The following XRCC4 variants were observed in gnomAD, a reference collection of about 807,000 sequenced individuals.
XRCC4 encodes the protein X-ray repair cross complementing 4.
In XRCC4, 28 loss-of-function variants were observed where a neutral mutation model predicts 39.1. The observed-to-expected ratio is 0.72, with a 90% CI of 0.53 to 0.98. The LOEUF is 0.98. XRCC4 is among the 50% of genes least tolerant of loss of function. The pLI, the probability that XRCC4 is intolerant of heterozygous loss-of-function variation, is 0.00. For missense variants in XRCC4, 350 were observed against 376.4 expected (o/e 0.93, Z 0.58); for synonymous variants, 123 against 126.4 (o/e 0.97, Z 0.18).
intron 3 of XRCC4, 32 bp downstream of exon 3, chr5:83,111,235 A>G: frequency 1.3e-6 from 2 of 1,508,858 alleles, no homozygotes; most frequent in Middle Eastern, 1.8e-4. Flanking sequence ...GTTACATAGT[A>G]AAATGTCAGA....
intron 3 of XRCC4, among the ~76,000 whole-genome samples, chr5:83,153,249 C>T (rs1309164139): frequency 2.0e-5 from 3 of 149,812 alleles, no homozygotes; most frequent in Non-Finnish European, 4.4e-5. Context: ...TGCTCTGTCA[C>T]TCAGGCTGGA....
At chr5:83,182,564 TTTC>T (rs1225589127) in intron 3 of XRCC4, among the ~76,000 whole-genome samples, 3 of 152,202 alleles carry the variant, frequency 2.0e-5, no homozygotes, top group Non-Finnish European at 2.9e-5. Flanking sequence ...ATTGTTTTTC[TTTC>T]TTTTGTACTG....
intron 3 of XRCC4, among the ~76,000 whole-genome samples, chr5:83,120,012 A>T (rs1219312565): frequency 8.6e-5 from 13 of 151,324 alleles, no homozygotes; most frequent in African/African-American, 2.9e-4. Context: ...AAAAAAAAAA[A>T]AAACAATAAC....
chr5:83,335,385 G>A (rs139172193), intron 7 of XRCC4, among the ~76,000 whole-genome samples: 271 of 151,868 alleles, frequency 1.8e-3, no homozygotes, highest in African/African-American at 6.2e-3. Flanking sequence ...ATGGGAAATT[G>A]TCACATAGTA....
At chr5:83,292,293 C>T (rs1474537160) in intron 7 of XRCC4, among the ~76,000 whole-genome samples, 4 of 151,794 alleles carry the variant, frequency 2.6e-5, no homozygotes, top group Non-Finnish European at 2.9e-5. Flanking sequence ...TTGAGAACCC[C>T]TTTTACTGCA....
chr5:83,251,644 T>G (rs1222278577), intron 6 of XRCC4, among the ~76,000 whole-genome samples: 1 of 152,176 alleles, frequency 6.6e-6, no homozygotes, highest in East Asian at 1.9e-4. Context: ...GGTCTGTGGT[T>G]TATCCTTAAT....
chr5:83,355,016 A>G (rs78876096), downstream of XRCC4, among the ~76,000 whole-genome samples: 1 of 152,054 alleles, frequency 6.6e-6, no homozygotes, highest in African/African-American at 2.4e-5. Context: ...CTGCACCTGT[A>G]CCTTGGCCTA....
At chr5:83,160,168 A>G (rs768618522) in intron 3 of XRCC4, among the ~76,000 whole-genome samples, 19 of 152,322 alleles carry the variant, frequency 1.2e-4, no homozygotes, top group Non-Finnish European at 2.5e-4. Context: ...AATTTATCAA[A>G]TAATTACATT....
intron 6 of XRCC4, among the ~76,000 whole-genome samples, chr5:83,225,508 G>A (rs1013444276): frequency 1.6e-4 from 24 of 150,028 alleles, no homozygotes; most frequent in African/African-American, 5.9e-4. Context: ...GGATCACAAA[G>A]CCCCCTTGAC....
intron 1 of XRCC4, among the ~76,000 whole-genome samples, chr5:83,089,465 A>G (rs768226209): frequency 9.9e-5 from 15 of 152,210 alleles, no homozygotes; most frequent in Non-Finnish European, 1.6e-4. Context: ...GAGGCCAATC[A>G]TAACTCCAAT....
intron 2 of XRCC4, among the ~76,000 whole-genome samples, chr5:83,106,926 A>T (rs1746227558): frequency 6.6e-6 from 1 of 152,072 alleles, no homozygotes. Context: ...TTTTTGAATG[A>T]AAACTCCAGT....
At chr5:83,152,604 G>T (rs1488085535) in intron 3 of XRCC4, among the ~76,000 whole-genome samples, 1 of 140,846 alleles carries the variant, frequency 7.1e-6, no homozygotes, top group African/African-American at 2.7e-5. Flanking sequence ...CTGCACTCCA[G>T]CCTGGACGAC....
intron 6 of XRCC4, among the ~76,000 whole-genome samples, chr5:83,225,227 A>G (rs1437909686): frequency 1.3e-5 from 2 of 152,092 alleles, no homozygotes; most frequent in Non-Finnish European, 2.9e-5. Flanking sequence ...TCTGGTCAGT[A>G]CCTGGAGACC....
chr5:83,112,025 A>G (rs1746466476), intron 3 of XRCC4, among the ~76,000 whole-genome samples: 1 of 152,328 alleles, frequency 6.6e-6, no homozygotes, highest in Admixed American at 6.5e-5. Flanking sequence ...GGAATAATTA[A>G]AGAGATTTCA....
At chr5:83,192,828 G>C (rs1750774224) in intron 3 of XRCC4, among the ~76,000 whole-genome samples, 1 of 151,946 alleles carries the variant, frequency 6.6e-6, no homozygotes, top group Non-Finnish European at 1.5e-5. Flanking sequence ...TTTTATATGT[G>C]GTTTCTGGCT....
chr5:83,249,964 C>T (rs1372826562), intron 6 of XRCC4, among the ~76,000 whole-genome samples: 2 of 152,028 alleles, frequency 1.3e-5, no homozygotes. Flanking sequence ...GAAAGCCTCT[C>T]TAAGCTTTGT....
chr5:83,117,631 ATG>A (rs70973379), intron 3 of XRCC4, among the ~76,000 whole-genome samples: 5,672 of 145,852 alleles, frequency 0.039, 126 homozygotes, highest in Middle Eastern at 0.062. Flanking sequence ...CTACATATAT[ATG>A]TGTGTGTGTG....
chr5:83,104,518 A>G (rs1418317143), intron 1 of XRCC4, among the ~76,000 whole-genome samples: 2 of 152,132 alleles, frequency 1.3e-5, no homozygotes, highest in African/African-American at 2.4e-5. Flanking sequence ...GGGTTTCACC[A>G]TGTTGGCCAG....
At chr5:83,113,104 C>T (rs1021411927) in intron 3 of XRCC4, among the ~76,000 whole-genome samples, 1 of 152,190 alleles carries the variant, frequency 6.6e-6, no homozygotes, top group African/African-American at 2.4e-5. Flanking sequence ...AAATCATAAA[C>T]AAGTTAGTTA....
Sources: gnomAD v4.1 joint callset for allele counts (sites outside exome capture counted in the v4.1 genomes callset) on GRCh38, gnomAD v4.1.1 for gene constraint, MANE v1.5 for transcripts, NCBI Gene and HGNC (gene_info 2026-07-23, HGNC 2026-07-21) for gene names.